The following PDHX variants were observed in gnomAD, a reference collection of about 807,000 sequenced individuals.
The protein encoded by PDHX is pyruvate dehydrogenase protein X component, mitochondrial.
In PDHX, 33 loss-of-function variants were observed where a neutral mutation model predicts 55.3. That is an observed-to-expected ratio of 0.60 (90% CI 0.45 to 0.80). The LOEUF (loss-of-function observed/expected upper bound fraction) is 0.80. Among genes scored for constraint, PDHX ranks in the 30% least tolerant of loss-of-function variants. PDHX has a pLI of 0.00. For synonymous variants in PDHX, 226 were observed against 219.4 expected (o/e 1.03, Z -0.27); for missense variants, 622 against 619.9 (o/e 1.00, Z -0.04).
At chr11:34,977,891 A>G in intron 7 of PDHX, 1 of 564,324 alleles carries the variant, frequency 1.8e-6, no homozygotes, top group Non-Finnish European at 3.4e-6. Flanking sequence ...TAAAAAATTG[A>G]TAACCAAGGC....
At chr11:34,947,963 A>C (rs1303005277) in intron 3 of PDHX, among the ~76,000 whole-genome samples, 1 of 152,220 alleles carries the variant, frequency 6.6e-6, no homozygotes, top group Non-Finnish European at 1.5e-5. Flanking sequence ...CTTAACTTCC[A>C]GAACCTTTAC....
chr11:34,948,573 C>CTT (rs34358212), intron 3 of PDHX, among the ~76,000 whole-genome samples: 224 of 135,056 alleles, frequency 1.7e-3, no homozygotes, highest in African/African-American at 5.5e-3. Flanking sequence ...TCCTCTTTTC[C>CTT]TTTTTTTTTT....
chr11:34,957,740 T>A (rs1328095154), intron 4 of PDHX, among the ~76,000 whole-genome samples, 157 bp downstream of exon 4: 1 of 146,892 alleles, frequency 6.8e-6, no homozygotes, highest in African/African-American at 2.5e-5. Flanking sequence ...TTTTTTTTTT[T>A]AACCATCATT....
chr11:34,955,817 T>A (rs55711347), intron 3 of PDHX, among the ~76,000 whole-genome samples: 87,900 of 151,204 alleles, frequency 0.58, 27,583 homozygotes, highest in East Asian at 0.75. Context: ...AAACTTTTTT[T>A]AATGCTTTAC....
chr11:34,984,484 G>A (rs1855597330), intron 8 of PDHX, 86 bp from the exon 9 acceptor site: 1 of 1,187,552 alleles, frequency 8.4e-7, no homozygotes, highest in Non-Finnish European at 1.2e-6. Flanking sequence ...TGTTCACTTT[G>A]GAAAATGCAC....
chr11:34,930,645 A>G (rs2133945759), intron 1 of PDHX, among the ~76,000 whole-genome samples: 2 of 152,302 alleles, frequency 1.3e-5, no homozygotes, highest in Middle Eastern at 6.8e-3. Flanking sequence ...CTTGAATGTA[A>G]CCCTGGACGG....
upstream of PDHX, chr11:34,916,540 C>A: frequency 1.3e-6 from 2 of 1,487,344 alleles, no homozygotes; most frequent in South Asian, 1.3e-5. Context: ...GGGTTCAAGT[C>A]TGAGAGACCT....
intron 2 of PDHX, among the ~76,000 whole-genome samples, chr11:34,934,957 G>A (rs2133949988): frequency 6.6e-6 from 1 of 151,956 alleles, no homozygotes; most frequent in East Asian, 1.9e-4. Context: ...TCACCTATAA[G>A]AGATGTGAGA....
chr11:34,984,901 C>T, intron 9 of PDHX, 173 bp downstream of exon 9: 1 of 617,270 alleles, frequency 1.6e-6, no homozygotes, highest in East Asian at 2.9e-5. Context: ...AGTTTTTATC[C>T]AAGTATGACC....
intron 9 of PDHX, among the ~76,000 whole-genome samples, chr11:34,990,068 G>A (rs1374856112): frequency 6.6e-6 from 1 of 152,092 alleles, no homozygotes; most frequent in Non-Finnish European, 1.5e-5. Flanking sequence ...GCCACTGTGG[G>A]GGCTGTAGGC....
At chr11:34,970,400 C>G in intron 7 of PDHX, 114 bp downstream of exon 7, 1 of 881,948 alleles carries the variant, frequency 1.1e-6, no homozygotes, top group South Asian at 1.5e-5. Flanking sequence ...ATTTCAATTT[C>G]ATAATGTACT....
At chr11:34,991,277 AG>A (rs1378728172) in intron 9 of PDHX, among the ~76,000 whole-genome samples, 1 of 152,184 alleles carries the variant, frequency 6.6e-6, no homozygotes, top group African/African-American at 2.4e-5. Context: ...AAGAACCAAA[AG>A]AAGTCTATTC....
chr11:34,941,186 A>G (rs1388632842), intron 2 of PDHX, among the ~76,000 whole-genome samples: 1 of 152,150 alleles, frequency 6.6e-6, no homozygotes, highest in Non-Finnish European at 1.5e-5. Context: ...TGGCCTAGCA[A>G]CCAGGTTGCC....
chr11:34,918,445 A>G (rs1261002268), intron 1 of PDHX, among the ~76,000 whole-genome samples: 4 of 150,426 alleles, frequency 2.7e-5, no homozygotes, highest in African/African-American at 9.8e-5. Context: ...TCAGGAGAAA[A>G]AAAAAAAAAA....
At chr11:34,983,908 G>T (rs1855582297) in intron 8 of PDHX, among the ~76,000 whole-genome samples, 2 of 152,098 alleles carry the variant, frequency 1.3e-5, no homozygotes, top group Admixed American at 6.5e-5. Context: ...TTTCTTCAAA[G>T]AATTGGAAAA....
chr11:34,938,149 A>G (rs1854380492), intron 2 of PDHX, among the ~76,000 whole-genome samples: 1 of 152,248 alleles, frequency 6.6e-6, no homozygotes, highest in Admixed American at 6.5e-5. Flanking sequence ...TTGTGAACAG[A>G]AGGACGACTA....
intron 7 of PDHX, among the ~76,000 whole-genome samples, chr11:34,973,989 C>T (rs1855311243): frequency 6.6e-6 from 1 of 152,160 alleles, no homozygotes; most frequent in Non-Finnish European, 1.5e-5. Context: ...TTGTCTTTCA[C>T]ATTGTTCCTT....
intron 1 of PDHX, among the ~76,000 whole-genome samples, chr11:34,917,092 G>T (rs1312377492): frequency 6.6e-6 from 1 of 152,078 alleles, no homozygotes; most frequent in Non-Finnish European, 1.5e-5. Context: ...GCGCAGAGAG[G>T]GTTCCCAAAC....
At position 34,994,946 on chromosome 11, in the gene PDHX, A is replaced by C; in HGVS notation, c.1280A>C (p.Glu427Ala). The change falls in exon 11 of 11, where the codon GAA becomes GCA. Residue 427 changes from glutamate to alanine, a missense_variant. Transcript: ENST00000227868. ...ISNLGMFGID[E>A]FTAVINPPQA... is the part of the protein sequence containing the mutation. The stretch of plus-strand genomic sequence containing the variant: ...AACTTGGGGATGTTTGGCATCGACG[A>C]ATTTACTGCAGTGATTAACCCTCCT... The C allele has an allele frequency of 6.2e-7, 1 of 1,613,974 alleles. No homozygotes were observed. The highest frequency in any genetic ancestry group is 1.1e-5 in the South Asian group (1 of 91,080).
Sources: gnomAD v4.1 joint callset for allele counts (sites outside exome capture counted in the v4.1 genomes callset) on GRCh38, gnomAD v4.1.1 for gene constraint, MANE v1.5 for transcripts, NCBI Gene and HGNC (gene_info 2026-07-23, HGNC 2026-07-21) for gene names.